PAPPA: variants seen among roughly 807,000 people sequenced by gnomAD.
PAPPA encodes the protein pappalysin-1.
A neutral mutation model predicts 164.0 loss-of-function variants in PAPPA; 60 were observed. The observed-to-expected ratio is 0.37, with a 90% CI of 0.30 to 0.45. The LOEUF (loss-of-function observed/expected upper bound fraction) is 0.45, where lower values mean the gene tolerates loss of function less well. PAPPA is among the 20% of genes least tolerant of loss of function. PAPPA has a pLI of 1.00. For missense variants in PAPPA, 1,782 were observed against 2,087.3 expected (o/e 0.85, Z 2.85); for synonymous variants, 875 against 814.1 (o/e 1.07, Z -1.27).
At chr9:116,223,521 A>G (rs916609659) in intron 5 of PAPPA, among the ~76,000 whole-genome samples, 5 of 152,166 alleles carry the variant, frequency 3.3e-5, no homozygotes, top group Non-Finnish European at 5.9e-5. Context: ...TTGGTTCTTG[A>G]GGCTCATATA....
At chr9:116,256,088 A>T (rs1388707504) in intron 7 of PAPPA, among the ~76,000 whole-genome samples, 1 of 151,854 alleles carries the variant, frequency 6.6e-6, no homozygotes, top group Non-Finnish European at 1.5e-5. Flanking sequence ...GAGGGAGGAC[A>T]TGGACTTGAC....
intron 9 of PAPPA, among the ~76,000 whole-genome samples, chr9:116,294,773 C>T (rs889222507): frequency 5.3e-5 from 8 of 152,160 alleles, no homozygotes; most frequent in African/African-American, 1.9e-4. Flanking sequence ...AAATAAACAG[C>T]TAAACTTAAA....
Position 116,265,884 on chromosome 9 carries a change from G to A in PAPPA, c.2760G>A (p.Gln920=), listed in dbSNP as rs761317607. The part of the protein sequence containing the change: ...DMDLNLGSVY[Q]YWVITISGTE... The stretch of plus-strand genomic sequence containing the variant: ...ATCTAAATCTTGGCAGTGTGTACCA[G>A]TATTGGGTCATAACTATTTCAGGAA... The change falls in exon 8 of 22, where the codon CAG becomes CAA. Residue 920 remains glutamine, a synonymous_variant. Transcript: ENST00000328252. 16 of 1,609,868 alleles carry A rather than the reference G, an allele frequency of 9.9e-6. No homozygotes were observed. The highest frequency in any genetic ancestry group is 1.4e-5 in the Non-Finnish European group (16 of 1,176,412).
chr9:116,244,163 A>G (rs1407018954), intron 7 of PAPPA, among the ~76,000 whole-genome samples: 2 of 152,184 alleles, frequency 1.3e-5, no homozygotes, highest in Non-Finnish European at 2.9e-5. Flanking sequence ...CTCCAGGGTC[A>G]TTAACAGCCA....
intron 10 of PAPPA, among the ~76,000 whole-genome samples, chr9:116,315,671 A>G (rs543173446): frequency 6.6e-6 from 1 of 152,184 alleles, no homozygotes; most frequent in African/African-American, 2.4e-5. Context: ...AATGTGGTTC[A>G]CCTTCAGAGA....
At chr9:116,209,588 G>A (rs1458090429) in intron 3 of PAPPA, among the ~76,000 whole-genome samples, 1 of 152,172 alleles carries the variant, frequency 6.6e-6, no homozygotes, top group Non-Finnish European at 1.5e-5. Context: ...GATGATGTCA[G>A]GCTCAAGCTA....
At chr9:116,332,245 G>A in intron 11 of PAPPA, 88 bp from the exon 12 acceptor site, 4 of 1,187,568 alleles carry the variant, frequency 3.4e-6, no homozygotes, top group Non-Finnish European at 4.9e-6. Flanking sequence ...TAAAAAGGAA[G>A]TTTCTCCTCA....
At chr9:116,345,020 T>C (rs1425232909) in intron 14 of PAPPA, among the ~76,000 whole-genome samples, 1 of 152,194 alleles carries the variant, frequency 6.6e-6, no homozygotes, top group Non-Finnish European at 1.5e-5. Flanking sequence ...TATCTTACAG[T>C]GAGAACATAA....
intron 1 of PAPPA, among the ~76,000 whole-genome samples, chr9:116,175,755 C>T (rs1843826788): frequency 6.6e-6 from 1 of 152,064 alleles, no homozygotes; most frequent in Admixed American, 6.5e-5. Flanking sequence ...TAGACATGTA[C>T]TGTCTGTTCT....
chr9:116,208,383 A>G (rs1381974220), intron 3 of PAPPA, among the ~76,000 whole-genome samples: 3 of 151,292 alleles, frequency 2.0e-5, no homozygotes, highest in Admixed American at 2.0e-4. Flanking sequence ...TTTTTTTTCC[A>G]TGTCGCAGAA....
intron 19 of PAPPA, among the ~76,000 whole-genome samples, chr9:116,372,277 G>T (rs1846585426): frequency 6.6e-6 from 1 of 152,180 alleles, no homozygotes; most frequent in Non-Finnish European, 1.5e-5. Flanking sequence ...TCCAAAGGGG[G>T]ACAGCATTAG....
rs1483130475 is a variant in PAPPA at position 116,332,468 on chromosome 9, G to A, written c.3397G>A (p.Gly1133Ser). 1 of 1,610,888 alleles carries A rather than the reference G, an allele frequency of 6.2e-7. No homozygotes were observed. Among genetic ancestry groups the A allele is most frequent in the African/African-American group, 1.3e-5 (1 of 75,014 alleles). Residue 1133 changes from glycine (G) to serine (S), a missense_variant and splice_region_variant, in exon 12 of 22, where the codon GGC becomes AGC. This residue lies in a region of PAPPA where 1,324 missense variants were observed against 1,656.9 expected (regional missense o/e 0.80). Coordinates refer to ENST00000328252, the MANE Select transcript of PAPPA (RefSeq NM_002581.5). Reference protein sequence around the residue: ...LDTKDQSHDLGLHVLSCRNNP... With the variant: ...LDTKDQSHDLSLHVLSCRNNP... ...TACCAAAGATCAGAGCCACGATCTA[G>A]GTAAGCATGCTCTCTTGGTCTTGGC...
intron 21 of PAPPA, among the ~76,000 whole-genome samples, chr9:116,390,703 C>A (rs576037235): frequency 1.3e-5 from 2 of 152,130 alleles, no homozygotes; most frequent in Non-Finnish European, 2.9e-5. Flanking sequence ...CCCCCTGCCC[C>A]CCGCTTTGGA....
intron 19 of PAPPA, among the ~76,000 whole-genome samples, chr9:116,370,239 C>T (rs751967073): frequency 3.3e-5 from 5 of 152,154 alleles, no homozygotes; most frequent in Admixed American, 3.3e-4. Context: ...CAGGCACTTC[C>T]TATCCTTTAT....
At chr9:116,232,503 A>G (rs1463411446) in intron 6 of PAPPA, among the ~76,000 whole-genome samples, 1 of 152,198 alleles carries the variant, frequency 6.6e-6, no homozygotes, top group East Asian at 1.9e-4. Flanking sequence ...CGCTGCCTGG[A>G]CCAACAATAT....
intron 4 of PAPPA, among the ~76,000 whole-genome samples, chr9:116,218,025 G>T (rs1400220932): frequency 1.3e-5 from 2 of 152,186 alleles, no homozygotes; most frequent in East Asian, 1.9e-4. Flanking sequence ...TTCGGTCTGA[G>T]GACTTTTTCC....
At chr9:116,339,090 C>A (rs1588010614) in intron 13 of PAPPA, among the ~76,000 whole-genome samples, 4 of 152,320 alleles carry the variant, frequency 2.6e-5, no homozygotes, top group Admixed American at 2.6e-4. Context: ...ATCCAGTTAT[C>A]TTTCCTCTCC....
chr9:116,255,807 GA>G (rs1316364692), intron 7 of PAPPA, among the ~76,000 whole-genome samples: 3 of 151,930 alleles, frequency 2.0e-5, no homozygotes, highest in Non-Finnish European at 2.9e-5. Context: ...GTGTACTAGG[GA>G]AAAAATATGT....
At chr9:116,223,955 C>T (rs894633314) in intron 5 of PAPPA, among the ~76,000 whole-genome samples, 1 of 152,196 alleles carries the variant, frequency 6.6e-6, no homozygotes, top group South Asian at 2.1e-4. Flanking sequence ...AAATGCCAAG[C>T]ACACACACTC....
Sources: gnomAD v4.1 joint callset for allele counts (sites outside exome capture counted in the v4.1 genomes callset) on GRCh38, gnomAD v4.1.1 for gene constraint, gnomAD v4.1.1 regional missense constraint, MANE v1.5 for transcripts, NCBI Gene and HGNC (gene_info 2026-07-23, HGNC 2026-07-21) for gene names.